METTL15: variants seen among roughly 807,000 people sequenced by gnomAD.
METTL15 encodes the protein 12S rRNA N(4)-cytidine methyltransferase METTL15.
METTL15 carries 34 observed loss-of-function variants against 38.3 expected under a neutral mutation model. The observed-to-expected ratio is 0.89, with a 90% CI of 0.68 to 1.18. METTL15 has a LOEUF of 1.18. Among genes scored for constraint, METTL15 ranks in the 50% most tolerant of loss-of-function variants. The pLI is 0.00. For synonymous variants in METTL15, 162 were observed against 170.9 expected (o/e 0.95, Z 0.41); for missense variants, 438 against 498.4 (o/e 0.88, Z 1.15).
At chr11:28,133,104 A>C (rs898441310) in intron 3 of METTL15, among the ~76,000 whole-genome samples, 1 of 152,186 alleles carries the variant, frequency 6.6e-6, no homozygotes, top group African/African-American at 2.4e-5. Flanking sequence ...GCTTAAGAGC[A>C]ATCTGATTTA....
In METTL15 at chr11:28,126,144, A is replaced by G. The variant is rs559981383; in HGVS notation, c.270+12540A>G. 3.3e-5 allele frequency among the ~76,000 whole-genome samples: 5 copies of G among 152,210 alleles called. No homozygotes were observed. In the South Asian group the frequency reaches 1.0e-3, roughly 32 times the overall value. ...AAAACCTAGAGTACACATCCCACAG[A>G]TATACACATGGCTGACTCTCTCACT... On this transcript the variant is annotated intron_variant, in intron 3 of 6. Transcript: ENST00000407364.
At chr11:28,120,059 C>T (rs942986997) in intron 3 of METTL15, among the ~76,000 whole-genome samples, 20 of 152,128 alleles carry the variant, frequency 1.3e-4, no homozygotes, top group Admixed American at 3.9e-4. Flanking sequence ...TCACACCATT[C>T]TCCTGCCTCA....
At chr11:28,376,261 G>T (rs552122216) in intron 5 of METTL15, among the ~76,000 whole-genome samples, 21 of 152,238 alleles carry the variant, frequency 1.4e-4, no homozygotes, top group Admixed American at 1.0e-3. Flanking sequence ...AATGTTGACA[G>T]TGGGGTGTTA....
chr11:28,427,110 T>A (rs1053905147), intron 6 of METTL15, among the ~76,000 whole-genome samples: 1 of 152,220 alleles, frequency 6.6e-6, no homozygotes, highest in African/African-American at 2.4e-5. Flanking sequence ...TTGATTTTTG[T>A]ATGTTGTGTA....
intron 6 of METTL15, among the ~76,000 whole-genome samples, chr11:28,525,213 C>G (rs565576144): frequency 6.6e-6 from 1 of 152,132 alleles, no homozygotes; most frequent in Non-Finnish European, 1.5e-5. Flanking sequence ...AGGACCTGAG[C>G]GGGTTGCCAC....
intron 6 of METTL15, among the ~76,000 whole-genome samples, chr11:28,478,953 T>C (rs891780414): frequency 2.6e-5 from 4 of 152,076 alleles, no homozygotes; most frequent in Non-Finnish European, 4.4e-5. Flanking sequence ...AAGGTGCAGA[T>C]TGATGTGAAA....
chr11:28,482,402 A>G (rs930484999), intron 6 of METTL15, among the ~76,000 whole-genome samples: 3 of 152,170 alleles, frequency 2.0e-5, no homozygotes, highest in South Asian at 2.1e-4. Flanking sequence ...GTCCTTGTCT[A>G]TTATATAGGG....
intron 6 of METTL15, among the ~76,000 whole-genome samples, chr11:28,314,245 GAT>G (rs1270083349): frequency 6.6e-6 from 1 of 152,198 alleles, no homozygotes; most frequent in Non-Finnish European, 1.5e-5. Flanking sequence ...CAGTAGGAAA[GAT>G]AAATATTTTT....
At chr11:28,214,831 A>G (rs1852794551) in intron 4 of METTL15, among the ~76,000 whole-genome samples, 1 of 152,208 alleles carries the variant, frequency 6.6e-6, no homozygotes, top group Non-Finnish European at 1.5e-5. Flanking sequence ...TAGTAAGATG[A>G]TAAGATGTTT....
intron 5 of METTL15, among the ~76,000 whole-genome samples, chr11:28,398,196 G>A (rs1237809763): frequency 6.6e-6 from 1 of 151,910 alleles, no homozygotes; most frequent in African/African-American, 2.4e-5. Context: ...TTGTGCACAT[G>A]TACCCCAGAA....
intron 6 of METTL15, among the ~76,000 whole-genome samples, chr11:28,321,953 G>A (rs376150493): frequency 4.6e-5 from 7 of 151,986 alleles, no homozygotes; most frequent in East Asian, 1.9e-4. Context: ...AAATGGGTAC[G>A]AAAAGAATGT....
chr11:28,303,014 G>C (rs1437158802), intron 6 of METTL15, among the ~76,000 whole-genome samples: 1 of 152,086 alleles, frequency 6.6e-6, no homozygotes, highest in Non-Finnish European at 1.5e-5. Flanking sequence ...TTGATGTATT[G>C]ATGTTTTGCA....
intron 4 of METTL15, among the ~76,000 whole-genome samples, chr11:28,233,650 C>A (rs1263983340): frequency 6.6e-6 from 1 of 151,902 alleles, no homozygotes; most frequent in Non-Finnish European, 1.5e-5. Flanking sequence ...GTTACCATAA[C>A]AGTTGTTTCT....
At chr11:28,226,983 T>G (rs1193013943) in intron 4 of METTL15, among the ~76,000 whole-genome samples, 1 of 151,906 alleles carries the variant, frequency 6.6e-6, no homozygotes, top group African/African-American at 2.4e-5. Flanking sequence ...ATCTGTTACC[T>G]GTTCATTGTT....
intron 6 of METTL15, among the ~76,000 whole-genome samples, chr11:28,465,191 G>C (rs966691927): frequency 4.6e-5 from 7 of 152,062 alleles, no homozygotes; most frequent in Non-Finnish European, 8.8e-5. Flanking sequence ...CAACGGTAAT[G>C]ACCACTTCCC....
At chr11:28,479,331 A>T (rs1400309496) in intron 6 of METTL15, among the ~76,000 whole-genome samples, 3 of 152,188 alleles carry the variant, frequency 2.0e-5, no homozygotes, top group Non-Finnish European at 4.4e-5. Context: ...GTTGAGGAAG[A>T]AGGACAGATA....
intron 3 of METTL15, among the ~76,000 whole-genome samples, chr11:28,196,659 C>G (rs1851920600): frequency 6.6e-6 from 1 of 151,582 alleles, no homozygotes; most frequent in Non-Finnish European, 1.5e-5. Context: ...AGTTTGATTC[C>G]CTCTTAAGAA....
downstream of METTL15, among the ~76,000 whole-genome samples, chr11:28,530,311 G>C (rs1407475631): frequency 6.6e-6 from 1 of 152,088 alleles, no homozygotes; most frequent in African/African-American, 2.4e-5. Context: ...TGCAGTAAAG[G>C]CTTATAAAGC....
At chr11:28,352,345 A>G (rs1313312823) in intron 4 of METTL15, among the ~76,000 whole-genome samples, 1 of 152,166 alleles carries the variant, frequency 6.6e-6, no homozygotes, top group Non-Finnish European at 1.5e-5. Context: ...CCTTCAGGGA[A>G]GGACTTTCCC....
Sources: gnomAD v4.1 joint callset for allele counts (sites outside exome capture counted in the v4.1 genomes callset) on GRCh38, gnomAD v4.1.1 for gene constraint, MANE v1.5 for transcripts, NCBI Gene and HGNC (gene_info 2026-07-23, HGNC 2026-07-21) for gene names.